HEG1: variants seen among roughly 807,000 people sequenced by gnomAD.
HEG1 encodes heart development protein with EGF like domains 1.
In HEG1, 56 loss-of-function variants were observed where a neutral mutation model predicts 125.6. That is an observed-to-expected ratio of 0.45 (90% CI 0.36 to 0.56). The LOEUF (loss-of-function observed/expected upper bound fraction) is 0.56, where lower values mean the gene tolerates loss of function less well. Among genes scored for constraint, HEG1 ranks in the 20% least tolerant of loss-of-function variants. HEG1 has a pLI of 0.00. For synonymous variants in HEG1, 644 were observed against 668.5 expected, an observed-to-expected ratio of 0.96 and a Z score of 0.57; for missense variants, 1,523 against 1,670.0, an observed-to-expected ratio of 0.91 and a Z score of 1.53.
intron 14 of HEG1, among the ~76,000 whole-genome samples, chr3:124,981,650 C>G (rs1936655620): frequency 6.6e-6 from 1 of 152,132 alleles, no homozygotes; most frequent in Non-Finnish European, 1.5e-5. Context: ...GTGGGTAGCA[C>G]TGGTTTAGAT....
chr3:124,997,978 C>T (rs1334731651), intron 11 of HEG1, among the ~76,000 whole-genome samples, 155 bp from the exon 12 acceptor site: 3 of 152,224 alleles, frequency 2.0e-5, no homozygotes, highest in Non-Finnish European at 4.4e-5. Flanking sequence ...AGCAACACTC[C>T]TCTCAGGAGT....
intron 1 of HEG1, among the ~76,000 whole-genome samples, chr3:125,053,642 T>C (rs1937865481): frequency 6.6e-6 from 1 of 152,214 alleles, no homozygotes; most frequent in Non-Finnish European, 1.5e-5. Flanking sequence ...CTCTCGCTGC[T>C]TTCTGGGATT....
rs1489683601 is a variant in HEG1, at chr3:124,970,774, C to T, written c.4024G>A (p.Glu1342Lys). Residue 1342 changes from glutamate to lysine, a missense_variant, in exon 17 of 17, where the codon GAA (glutamate) becomes AAA (lysine). Transcript: ENST00000311127. ...TAGGCCGGGTAGAGTCCGTTTCGTT[C>T]AAGTTCTGGATTCCTTACACTTGTA... ...SPTSVRNPEL[E>K]RNGLYPAYTG... 1.2e-6 allele frequency: 2 copies of T among 1,609,980 alleles called. No individual in the cohort carries two copies. The highest frequency in any genetic ancestry group is 3.4e-5 in the Admixed American group (2 of 59,482).
At chr3:124,974,714 T>C (rs1223456817) in intron 15 of HEG1, among the ~76,000 whole-genome samples, 2 of 152,240 alleles carry the variant, frequency 1.3e-5, no homozygotes, top group African/African-American at 4.8e-5. Context: ...TTGTCACAGA[T>C]AGGATAATCT....
At chr3:125,040,894 A>G (rs534514933) in intron 1 of HEG1, among the ~76,000 whole-genome samples, 112 of 152,286 alleles carry the variant, frequency 7.4e-4, no homozygotes, top group Admixed American at 3.2e-3. Context: ...ACAATCGACA[A>G]AGCACTTTTC....
In HEG1 at chr3:125,019,383, T is replaced by C. The variant is rs1268534031; in HGVS notation, c.1467A>G (p.Ser489=). 17 of 1,614,064 alleles carry C rather than the reference T, an allele frequency of 1.1e-5. No individual in the cohort carries two copies. The highest frequency in any genetic ancestry group is 1.4e-5 in the Non-Finnish European group (17 of 1,179,888). The part of the protein sequence containing the change: ...GVNASVLTQF[S]DSTVQSGGSH... Reference sequence around the variant, plus strand: ...TTCCTCCAGACTGTACAGTAGAGTCTGAGAACTGGGTCAACACTGAAGCAT... The same window carrying C: ...TTCCTCCAGACTGTACAGTAGAGTCCGAGAACTGGGTCAACACTGAAGCAT... The change falls in exon 5 of 17, where the codon TCA becomes TCG. Residue 489 remains serine (S), a synonymous_variant. Transcript: ENST00000311127.
At chr3:125,048,076 G>A (rs747916430) in intron 1 of HEG1, among the ~76,000 whole-genome samples, 10 of 152,008 alleles carry the variant, frequency 6.6e-5, no homozygotes, top group African/African-American at 2.4e-4. Flanking sequence ...CAAGTCCCCC[G>A]AGACATCCCA....
chr3:125,036,851 AAATAC>A (rs1160064346), intron 1 of HEG1, among the ~76,000 whole-genome samples: 1 of 152,234 alleles, frequency 6.6e-6, no homozygotes, highest in Non-Finnish European at 1.5e-5. Flanking sequence ...ATATTGGTAA[AAATAC>A]AATTAACACA....
intron 9 of HEG1, among the ~76,000 whole-genome samples, chr3:125,004,743 C>T (rs1579411641): frequency 1.3e-5 from 2 of 151,910 alleles, no homozygotes; most frequent in African/African-American, 4.8e-5. Context: ...TGATAAAAAG[C>T]GGGCAAAGAG....
intron 12 of HEG1, 149 bp downstream of exon 12, chr3:124,997,540 C>A: frequency 1.6e-6 from 1 of 633,666 alleles, no homozygotes; most frequent in African/African-American, 1.8e-5. Context: ...TGTATTCAAT[C>A]CTGCCACGAG....
chr3:125,009,776 T>C lies in HEG1; in HGVS notation c.3122A>G (p.Asn1041Ser), dbSNP rs761594688. ...SNPCPSTAMC[N>S]NTQGSFICKC... Reference sequence around the variant, plus strand: ...GCAGATAAAGGATCCCTGAGTATTGTTGCACATGGCTGTGGATGGGCAGGG... The same window carrying C: ...GCAGATAAAGGATCCCTGAGTATTGCTGCACATGGCTGTGGATGGGCAGGG... The change falls in exon 8 of 17, where the codon AAC becomes AGC. Residue 1041 changes from asparagine (N) to serine (S), a missense_variant. By Grantham distance (46) the Asn-to-Ser change is conservative. Transcript: ENST00000311127. The C allele has an allele frequency of 5.5e-5, 89 of 1,613,672 alleles. No homozygotes were observed. The highest frequency in any genetic ancestry group is 8.3e-5 in the Admixed American group (5 of 60,006).
chr3:125,028,411 C>T (rs1400766017), intron 2 of HEG1, among the ~76,000 whole-genome samples: 1 of 152,210 alleles, frequency 6.6e-6, no homozygotes, highest in East Asian at 1.9e-4. Context: ...CTGATGCCCT[C>T]CCCAAGGGAG....
At chr3:125,003,428 AG>A (rs1438403260) in intron 9 of HEG1, among the ~76,000 whole-genome samples, 2 of 152,226 alleles carry the variant, frequency 1.3e-5, no homozygotes, top group African/African-American at 4.8e-5. Context: ...CGAAGGGACA[AG>A]TATAGGATTA....
chr3:125,039,185 T>C (rs1937572393), intron 1 of HEG1, among the ~76,000 whole-genome samples: 4 of 152,150 alleles, frequency 2.6e-5, no homozygotes, highest in African/African-American at 7.2e-5. Flanking sequence ...CTGTTTTTTT[T>C]TTCCTCCTAA....
chr3:124,983,564 G>A, intron 14 of HEG1, among the ~76,000 whole-genome samples: 1 of 151,304 alleles, frequency 6.6e-6, no homozygotes, highest in Non-Finnish European at 1.5e-5. Context: ...CAAATTTCTG[G>A]GCTCAAGCAA....
intron 9 of HEG1, among the ~76,000 whole-genome samples, chr3:125,004,244 T>C (rs1937039392): frequency 1.3e-5 from 2 of 152,194 alleles, no homozygotes; most frequent in Admixed American, 1.3e-4. Context: ...AATGTATAAT[T>C]CCTAGCTAAT....
intron 12 of HEG1, among the ~76,000 whole-genome samples, chr3:124,995,662 G>A (rs775847281): frequency 2.6e-5 from 4 of 152,188 alleles, no homozygotes; most frequent in Non-Finnish European, 5.9e-5. Context: ...CAAGAAGCCC[G>A]GAATCCACTC....
chr3:125,036,015 G>A (rs1183581616), intron 1 of HEG1, among the ~76,000 whole-genome samples: 1 of 151,846 alleles, frequency 6.6e-6, no homozygotes, highest in African/African-American at 2.4e-5. Flanking sequence ...CTTGAGGCCA[G>A]CCTGGGCCTC....
At chr3:125,000,222 A>G (rs1936981727) in intron 11 of HEG1, among the ~76,000 whole-genome samples, 1 of 152,220 alleles carries the variant, frequency 6.6e-6, no homozygotes, top group Admixed American at 6.5e-5. Context: ...GGTGAGAGGT[A>G]CTTTCCCATA....
Sources: gnomAD v4.1 joint callset for allele counts (sites outside exome capture counted in the v4.1 genomes callset) on GRCh38, gnomAD v4.1.1 for gene constraint, MANE v1.5 for transcripts, NCBI Gene and HGNC (gene_info 2026-07-23, HGNC 2026-07-21) for gene names.